Variants in MED12L observed in about 807,000 individuals in gnomAD.
MED12L encodes the protein mediator complex subunit 12L, also known as mediator of RNA polymerase II transcription subunit 12-like protein.
A neutral mutation model predicts 281.3 loss-of-function variants in MED12L; 60 were observed. The ratio of observed to expected loss-of-function variants is 0.21; its 90% CI spans 0.17 to 0.26. The LOEUF (loss-of-function observed/expected upper bound fraction) is 0.26. Ranked by LOEUF, MED12L falls within the 10% of genes least tolerant of loss-of-function variation. The pLI is 1.00. For missense variants in MED12L, 2,146 were observed against 2,680.9 expected, an observed-to-expected ratio of 0.80 and a Z score of 4.41; for synonymous variants, 974 against 987.2, an observed-to-expected ratio of 0.99 and a Z score of 0.25.
Position 151,434,525 on chromosome 3 carries a change from TGTA to T in MED12L, c.*1722_*1724del, listed in dbSNP as rs1458947109. ...TAATAGTCTATCTGCTTTCAGAAGA[TGTA>T]TCATCTATCTGTACACATTTTTGCT... On this transcript the variant is annotated 3_prime_UTR_variant, in exon 45 of 45. Coordinates refer to ENST00000687756, the MANE Select transcript of MED12L (RefSeq NM_001393769.1). The T allele has an allele frequency of 2.1e-5, 1 of 47,206 alleles. No homozygotes were observed. Among genetic ancestry groups the T allele is most frequent in the Non-Finnish European group, 5.1e-5 (1 of 19,726 alleles). The allele number at this position is 47,206 out of a possible 1,614,324, so 2.9% of individuals were successfully genotyped here. A position where few individuals can be genotyped will look rare whatever the true frequency, so the allele number is the denominator to read the frequency against.
intron 39 of MED12L, among the ~76,000 whole-genome samples, chr3:151,400,590 G>T (rs933089427): frequency 3.9e-5 from 6 of 152,156 alleles, no homozygotes; most frequent in African/African-American, 1.2e-4. Flanking sequence ...AAGGAAATAG[G>T]TAATTTAAAG....
chr3:151,371,625 C>G (rs1756198493), intron 26 of MED12L, among the ~76,000 whole-genome samples: 1 of 152,134 alleles, frequency 6.6e-6, no homozygotes, highest in African/African-American at 2.4e-5. Context: ...TTTCCATTAA[C>G]TTGGGCATTG....
intron 5 of MED12L, among the ~76,000 whole-genome samples, chr3:151,135,623 C>T (rs932450869): frequency 1.3e-5 from 2 of 152,202 alleles, no homozygotes; most frequent in African/African-American, 4.8e-5. Flanking sequence ...CACTAGAGTG[C>T]CTGCTCCTCA....
rs1337573902 is a variant in MED12L at position 151,435,212 on chromosome 3, A to AAAGAC, written c.*2414_*2418dup. ...ATGGAGCGAGACCCCAGCTCCCCTT[A>AAAGAC]AAGACAAGACCTTGAAATCAAATGG... On this transcript the variant is annotated 3_prime_UTR_variant, in exon 45 of 45. Coordinates refer to ENST00000687756, the MANE Select transcript of MED12L (RefSeq NM_001393769.1). 4 of 151,006 alleles carry AAAGAC rather than the reference A, an allele frequency of 2.6e-5. No individual in the cohort carries two copies. Among genetic ancestry groups the AAAGAC allele is most frequent in the African/African-American group, 9.8e-5 (4 of 40,910 alleles). The allele number at this position is 151,006 out of a possible 1,614,324, so 9.4% of individuals were successfully genotyped here.
chr3:151,182,142 A>G (rs1198615050), intron 11 of MED12L, among the ~76,000 whole-genome samples: 3 of 152,218 alleles, frequency 2.0e-5, no homozygotes, highest in Non-Finnish European at 2.9e-5. Context: ...CTCCAGGAGC[A>G]TTATTTAGAG....
chr3:151,164,762 A>G (rs946897936), intron 9 of MED12L, among the ~76,000 whole-genome samples: 4 of 152,028 alleles, frequency 2.6e-5, no homozygotes, highest in African/African-American at 9.7e-5. Flanking sequence ...AAAAAAAACC[A>G]AACACCGCAT....
Position 151,380,100 on chromosome 3 carries a change from ACTT to A in MED12L, c.4479-11_4479-9del. On this transcript the variant is annotated splice_polypyrimidine_tract_variant and intron_variant, in intron 31 of 44. Transcript: ENST00000687756. ...TCTAACTAGATCTGTTGTTATTATT[ACTT>A]CCTTTGTAGTATGTCTCTTTTGAGT... The A allele has an allele frequency of 6.7e-7, 1 of 1,489,908 alleles. No individual in the cohort carries two copies. Among genetic ancestry groups the A allele is most frequent in the Non-Finnish European group, 9.2e-7 (1 of 1,088,052 alleles). The allele number at this position is 1,489,908 out of a possible 1,614,324, so 92.3% of individuals were successfully genotyped here. A position where few individuals can be genotyped will look rare whatever the true frequency, so the allele number is the denominator to read the frequency against.
intron 16 of MED12L, chr3:151,199,496 T>C (rs1725215950): frequency 2.2e-6 from 2 of 927,262 alleles, no homozygotes; most frequent in Non-Finnish European, 3.2e-6. Flanking sequence ...CTATTTTCTT[T>C]AAAAGACATT....
chr3:151,427,212 T>C (rs377568320), intron 43 of MED12L, among the ~76,000 whole-genome samples: 2 of 152,348 alleles, frequency 1.3e-5, no homozygotes, highest in East Asian at 3.9e-4. Flanking sequence ...TCTGGAAAGC[T>C]GTAATGTACG....
chr3:151,090,071 G>A (rs541879289), intron 2 of MED12L, among the ~76,000 whole-genome samples: 1 of 152,212 alleles, frequency 6.6e-6, no homozygotes, highest in East Asian at 1.9e-4. Context: ...CTGGACACCT[G>A]TCTAGCCACC....
At chr3:151,311,424 T>C (rs1350688287) in intron 16 of MED12L, among the ~76,000 whole-genome samples, 1 of 152,120 alleles carries the variant, frequency 6.6e-6, no homozygotes, top group Non-Finnish European at 1.5e-5. Flanking sequence ...GCAGATACTA[T>C]AGTTTTATTT....
At chr3:151,424,973 G>C (rs942089763) in intron 43 of MED12L, among the ~76,000 whole-genome samples, 1 of 152,186 alleles carries the variant, frequency 6.6e-6, no homozygotes, top group African/African-American at 2.4e-5. Context: ...ACTGTCATGA[G>C]GGAAGGGATG....
At chr3:151,144,736 C>T (rs190155601) in intron 5 of MED12L, among the ~76,000 whole-genome samples, 1 of 152,178 alleles carries the variant, frequency 6.6e-6, no homozygotes, top group Non-Finnish European at 1.5e-5. Context: ...GTCATATCTT[C>T]ACCTCTTCAC....
chr3:151,134,562 A>G (rs1166341970), intron 5 of MED12L, among the ~76,000 whole-genome samples: 1 of 152,224 alleles, frequency 6.6e-6, no homozygotes, highest in East Asian at 1.9e-4. Context: ...CATCCAAACA[A>G]TCAAATATTA....
At chr3:151,131,380 C>T (rs778332776) in intron 5 of MED12L, among the ~76,000 whole-genome samples, 3 of 152,170 alleles carry the variant, frequency 2.0e-5, no homozygotes, top group African/African-American at 4.8e-5. Context: ...GCAGGAAGAT[C>T]GCTTGAGCCC....
chr3:151,346,419 G>A (rs1188138281), intron 16 of MED12L, among the ~76,000 whole-genome samples: 3 of 152,080 alleles, frequency 2.0e-5, no homozygotes, highest in African/African-American at 7.2e-5. Context: ...GTAAATGTGG[G>A]TCACTTCCCT....
At position 151,365,073 on chromosome 3, in the gene MED12L, A is replaced by G. The variant is rs757768217; in HGVS notation, c.3052A>G (p.Ile1018Val). The G allele has an allele frequency of 1.2e-6, 2 of 1,614,082 alleles. No homozygotes were observed. Among genetic ancestry groups the G allele is most frequent in the Non-Finnish European group, 1.7e-6 (2 of 1,179,926 alleles). ...GGATCCAGACTTCATGATGGATTTT[A>G]TTGAGAATCCCTCAGCCCGCAGCAT... Reference protein sequence around the residue: ...RWDPDFMMDFIENPSARSINY... With the variant: ...RWDPDFMMDFVENPSARSINY... The change falls in exon 22 of 45, where the codon ATT (isoleucine) becomes GTT (valine). Residue 1018 changes from isoleucine to valine, a missense_variant. Ile to Val is a conservative substitution (Grantham distance 29). Transcript: ENST00000687756.
At chr3:151,317,956 T>G (rs1049957430) in intron 16 of MED12L, among the ~76,000 whole-genome samples, 1 of 152,202 alleles carries the variant, frequency 6.6e-6, no homozygotes, top group Non-Finnish European at 1.5e-5. Flanking sequence ...TAGGTATTAC[T>G]TAGTGTTTAC....
chr3:151,411,303 A>G lies in MED12L; in HGVS notation c.5936A>G (p.Tyr1979Cys). 1 of 1,614,230 alleles carries G rather than the reference A, an allele frequency of 6.2e-7. No individual in the cohort carries two copies. The highest frequency in any genetic ancestry group is 2.2e-5 in the East Asian group (1 of 44,890). The change falls in exon 41 of 45, where the codon TAT becomes TGT. Residue 1979 changes from tyrosine to cysteine, a missense_variant. Tyr to Cys is a radical substitution (Grantham distance 194). Coordinates refer to ENST00000687756, the MANE Select transcript of MED12L (RefSeq NM_001393769.1). Reference sequence around the variant, plus strand: ...ACCATGCCACAGGGCTATACAATGTATGGGACACAGATGCCTTTGCAGCAG... The same window carrying G: ...ACCATGCCACAGGGCTATACAATGTGTGGGACACAGATGCCTTTGCAGCAG... ...AQTMPQGYTM[Y>C]GTQMPLQQTS...
Sources: gnomAD v4.1 joint callset for allele counts (sites outside exome capture counted in the v4.1 genomes callset) on GRCh38, gnomAD v4.1.1 for gene constraint, MANE v1.5 for transcripts, NCBI Gene and HGNC (gene_info 2026-07-23, HGNC 2026-07-21) for gene names.